Variants in SDR9C7 observed in about 807,000 individuals in gnomAD.
The protein encoded by SDR9C7 is short chain dehydrogenase/reductase family 9C member 7.
Under a neutral mutation model 23.6 loss-of-function variants are expected in SDR9C7, and 11 were observed. The observed-to-expected ratio is 0.47, with a 90% CI of 0.29 to 0.77. The LOEUF is 0.77. SDR9C7 is among the 30% of genes least tolerant of loss of function. SDR9C7 has a pLI of 0.09. For missense variants in SDR9C7, 387 were observed against 407.1 expected (o/e 0.95, Z 0.42); for synonymous variants, 167 against 157.3 (o/e 1.06, Z -0.46).
rs768439011 is a variant in SDR9C7, at chr12:56,924,011, G to A, written c.764C>T (p.Pro255Leu). The A allele has an allele frequency of 1.9e-6, 3 of 1,613,912 alleles. No individual in the cohort carries two copies. The South Asian group carries it at 3.3e-5, about 18-fold the overall frequency. Reference sequence around the variant, plus strand: ...GCTGTTGATGACATCTCTGACTCTGGGCTCTGCCACCTGCATTATGTTTTT... The same window carrying A: ...GCTGTTGATGACATCTCTGACTCTGAGCTCTGCCACCTGCATTATGTTTTT... ...KLKNIMQVAE[P>L]RVRDVINSME... The change falls in exon 4 of 4, where the codon CCC (proline) becomes CTC (leucine). Residue 255 changes from proline (P) to leucine (L), a missense_variant. Coordinates refer to ENST00000293502, the MANE Select transcript of SDR9C7 (RefSeq NM_148897.3).
chr12:56,933,968 G>T lies in SDR9C7; in HGVS notation c.294C>A (p.Gly98=), dbSNP rs750869501. Residue 98 remains glycine (G), a synonymous_variant, in exon 1 of 4, where the codon GGC becomes GGA. Transcript: ENST00000293502. Reference sequence around the variant, plus strand: ...GAATGTAATTCGCCCCACCTTGTTCGCCCACTTTGTCCCTCACCCACTGGG... The same window carrying T: ...GAATGTAATTCGCCCCACCTTGTTCTCCCACTTTGTCCCTCACCCACTGGG... ...AAAQWVRDKV[G]EQGLWALVNN... 1.6e-5 allele frequency: 26 copies of T among 1,604,322 alleles called. No individual in the cohort carries two copies. The South Asian group carries it at 2.3e-4, about 14-fold the overall frequency.
chr12:56,934,187 C>T lies in SDR9C7; in HGVS notation c.75G>A (p.Glu25=). Residue 25 remains glutamate (E), a synonymous_variant, in exon 1 of 4, where the codon GAG becomes GAA. Coordinates refer to ENST00000293502, the MANE Select transcript of SDR9C7 (RefSeq NM_148897.3). ...CACAGCCTGTGATGAAGACGTACTTCTCTGAGAGGTTGCCAACCAGATTGC... is the reference window on the plus strand; with the variant it reads ...CACAGCCTGTGATGAAGACGTACTTTTCTGAGAGGTTGCCAACCAGATTGC... ...KNCNLVGNLS[E]KYVFITGCDS... is the part of the protein sequence containing the mutation. 1 of 1,614,220 alleles carries T rather than the reference C, an allele frequency of 6.2e-7. No individual in the cohort carries two copies. The highest frequency in any genetic ancestry group is 8.5e-7 in the Non-Finnish European group (1 of 1,180,042).
At chr12:56,930,709 T>C (rs1360084875) in intron 1 of SDR9C7, among the ~76,000 whole-genome samples, 6 of 152,252 alleles carry the variant, frequency 3.9e-5, no homozygotes, top group African/African-American at 1.4e-4. Context: ...TGGCGCTCTG[T>C]ACTAGCTACA....
At chr12:56,924,111 C>A in intron 3 of SDR9C7, 61 bp from the exon 4 acceptor site, 1 of 1,212,436 alleles carries the variant, frequency 8.2e-7, no homozygotes. Flanking sequence ...TGGCTTCTTC[C>A]GAATTCCATC....
chr12:56,933,894 A>G, intron 1 of SDR9C7, 67 bp downstream of exon 1: 1 of 1,530,378 alleles, frequency 6.5e-7, no homozygotes, highest in Non-Finnish European at 8.8e-7. Flanking sequence ...ATACTGTCAG[A>G]TGCTTCGGGA....
At chr12:56,926,190 G>T (rs1269859622) in intron 3 of SDR9C7, among the ~76,000 whole-genome samples, 2 of 152,158 alleles carry the variant, frequency 1.3e-5, no homozygotes, top group Non-Finnish European at 2.9e-5. Flanking sequence ...CAAGCCAGGG[G>T]CCTGTTTGGT....
rs1955783094 is a variant in SDR9C7, at chr12:56,934,006, T to C, written c.256A>G (p.Ile86Val). The part of the protein sequence containing the change: ...TLLDVTKSES[I>V]KAAAQWVRDK... ...CTCACCCACTGGGCCGCCGCCTTGA[T>C]GCTTTCGCTCTTGGTGACATCCAGT... The change falls in exon 1 of 4, where the codon ATC becomes GTC. Residue 86 changes from isoleucine (I) to valine (V), a missense_variant. Physicochemically the swap from Ile to Val is conservative, Grantham distance 29. Transcript: ENST00000293502. 6.2e-7 allele frequency: 1 copy of C among 1,613,054 alleles called. No individual in the cohort carries two copies. Among genetic ancestry groups the C allele is most frequent in the Non-Finnish European group, 8.5e-7 (1 of 1,179,022 alleles).
chr12:56,932,720 G>C (rs1025509599), intron 1 of SDR9C7, among the ~76,000 whole-genome samples: 4 of 152,178 alleles, frequency 2.6e-5, no homozygotes, highest in Non-Finnish European at 4.4e-5. Flanking sequence ...TACCTTACTA[G>C]GTGCCAGACA....
intron 2 of SDR9C7, 107 bp from the exon 3 acceptor site, chr12:56,929,660 C>T: frequency 2.3e-6 from 3 of 1,305,828 alleles, no homozygotes; most frequent in Non-Finnish European, 3.2e-6. Context: ...GCTTCTCTCA[C>T]CCCTGTACTT....
Position 56,923,755 on chromosome 12 carries a change from A to G in SDR9C7, c.*78T>C, listed in dbSNP as rs879347778. ...GCAGCCAATGCCCCCAGGATAACCG[A>G]TACCACCTTTTGTGACCCCACGGTC... On this transcript the variant is annotated 3_prime_UTR_variant, in exon 4 of 4. Coordinates refer to ENST00000293502, the MANE Select transcript of SDR9C7 (RefSeq NM_148897.3). The G allele has an allele frequency of 6.6e-5, 79 of 1,196,492 alleles. No homozygotes were observed. The highest frequency in any genetic ancestry group is 9.2e-5 in the Non-Finnish European group (78 of 848,484). The allele number at this position is 1,196,492 out of a possible 1,614,324, so 74.1% of individuals were successfully genotyped here. A position where few individuals can be genotyped will look rare whatever the true frequency, so the allele number is the denominator to read the frequency against.
At position 56,934,103 on chromosome 12, in the gene SDR9C7, C is replaced by T. The variant is rs1565614433; in HGVS notation, c.159G>A (p.Leu53=). Residue 53 remains leucine, a synonymous_variant, in exon 1 of 4, where the codon CTG becomes CTA. Coordinates refer to ENST00000293502, the MANE Select transcript of SDR9C7 (RefSeq NM_148897.3). Reference sequence around the variant, plus strand: ...ATCCCTCCTCAGTGAAGCAAGCAGCCAGCACCTGCATGCCCCGATCAACCA... The same window carrying T: ...ATCCCTCCTCAGTGAAGCAAGCAGCTAGCACCTGCATGCCCCGATCAACCA... ...KQLVDRGMQV[L]AACFTEEGSQ... is the part of the protein sequence containing the mutation. 16 of 1,614,190 alleles carry T rather than the reference C, an allele frequency of 9.9e-6. No individual in the cohort carries two copies. The highest frequency in any genetic ancestry group is 1.3e-5 in the Non-Finnish European group (15 of 1,180,040).
chr12:56,930,763 T>A (rs1955764345), intron 1 of SDR9C7, among the ~76,000 whole-genome samples: 1 of 152,234 alleles, frequency 6.6e-6, no homozygotes, highest in Admixed American at 6.5e-5. Flanking sequence ...AGCTTTGGGA[T>A]AAGAGTTTCA....
intron 3 of SDR9C7, among the ~76,000 whole-genome samples, chr12:56,924,466 T>G (rs1955720153): frequency 6.9e-6 from 1 of 144,738 alleles, no homozygotes; most frequent in Admixed American, 6.8e-5. Context: ...ACAAATAGTC[T>G]TATTTATCTT....
intron 3 of SDR9C7, 52 bp downstream of exon 3, chr12:56,929,338 C>T (rs201032824): frequency 1.3e-5 from 20 of 1,571,970 alleles, no homozygotes; most frequent in Non-Finnish European, 1.7e-5. Context: ...GCTAATGACC[C>T]CAAGACCCAC....
At chr12:56,932,560 T>C (rs1955774650) in intron 1 of SDR9C7, among the ~76,000 whole-genome samples, 1 of 152,190 alleles carries the variant, frequency 6.6e-6, no homozygotes, top group African/African-American at 2.4e-5. Context: ...TTTGTTACAA[T>C]AGCAACAGGA....
chr12:56,933,015 C>T (rs1277629303), intron 1 of SDR9C7, among the ~76,000 whole-genome samples: 3 of 152,204 alleles, frequency 2.0e-5, no homozygotes, highest in Non-Finnish European at 2.9e-5. Flanking sequence ...CCTGTTCCTC[C>T]TGTTCCTGGG....
chr12:56,929,351 GC>G, intron 3 of SDR9C7, 38 bp downstream of exon 3: 1 of 1,582,238 alleles, frequency 6.3e-7, no homozygotes, highest in Non-Finnish European at 8.7e-7. Flanking sequence ...AGACCCACTC[GC>G]CCCCCTCAGA....
chr12:56,931,950 T>C, intron 1 of SDR9C7, among the ~76,000 whole-genome samples: 1 of 152,288 alleles, frequency 6.6e-6, no homozygotes, highest in East Asian at 1.9e-4. Flanking sequence ...TCTCCCTGCC[T>C]TTCTCCATTC....
Position 56,933,994 on chromosome 12 carries a change from C to T in SDR9C7, c.268G>A (p.Ala90Thr), listed in dbSNP as rs755650924. 19 of 1,611,114 alleles carry T rather than the reference C, an allele frequency of 1.2e-5. No homozygotes were observed. In the East Asian group the frequency reaches 4.0e-4, roughly 34 times the overall value. Residue 90 changes from alanine (A) to threonine (T), a missense_variant, in exon 1 of 4, where the codon GCC (alanine) becomes ACC (threonine). By Grantham distance (58) the Ala-to-Thr change is moderately conservative (BLOSUM62 0). Transcript: ENST00000293502. The part of the protein sequence containing the change: ...VTKSESIKAA[A>T]QWVRDKVGEQ... Reference sequence around the variant, plus strand: ...CCCACTTTGTCCCTCACCCACTGGGCCGCCGCCTTGATGCTTTCGCTCTTG... The same window carrying T: ...CCCACTTTGTCCCTCACCCACTGGGTCGCCGCCTTGATGCTTTCGCTCTTG...
Sources: allele counts gnomAD v4.1 joint callset (sites outside exome capture counted in the v4.1 genomes callset), GRCh38; gene constraint gnomAD v4.1.1; transcripts MANE v1.5; gene names NCBI Gene and HGNC (gene_info 2026-07-23, HGNC 2026-07-21).